The following LPP variants were observed in gnomAD, a reference collection of about 807,000 sequenced individuals.
LPP encodes lipoma-preferred partner.
In LPP, 38 loss-of-function variants were observed where a neutral mutation model predicts 60.4. The ratio of observed to expected loss-of-function variants is 0.63; its 90% CI spans 0.49 to 0.83. The LOEUF (loss-of-function observed/expected upper bound fraction) is 0.83, where lower values mean the gene tolerates loss of function less well. Among genes scored for constraint, LPP ranks in the 40% least tolerant of loss-of-function variants. The pLI is 0.00. For synonymous variants in LPP, 328 were observed against 290.8 expected (o/e 1.13, Z -1.30); for missense variants, 902 against 783.6 (o/e 1.15, Z -1.80).
intron 8 of LPP, chr3:188,709,580 C>T (rs1177663432): frequency 6.6e-6 from 1 of 152,190 alleles, no homozygotes; most frequent in Non-Finnish European, 1.5e-5. Context: ...TGGTCTTGAA[C>T]TCCTGACCTC....
chr3:188,422,453 A>G (rs1484922344), intron 4 of LPP, among the ~76,000 whole-genome samples: 1 of 152,154 alleles, frequency 6.6e-6, no homozygotes, highest in African/African-American at 2.4e-5. Context: ...ACCCAAAGAC[A>G]CAGCTTTTTC....
intron 1 of LPP, among the ~76,000 whole-genome samples, chr3:188,190,450 T>A (rs1310447868): frequency 1.3e-5 from 2 of 151,620 alleles, no homozygotes; most frequent in African/African-American, 4.9e-5. Flanking sequence ...GGAGAAGGAG[T>A]CAATGTGGGG....
At chr3:188,798,577 C>T (rs1333268349) in intron 9 of LPP, among the ~76,000 whole-genome samples, 1 of 152,220 alleles carries the variant, frequency 6.6e-6, no homozygotes, top group East Asian at 1.9e-4. Flanking sequence ...CCTGGTGGCT[C>T]TGCCCTGGAC....
At chr3:188,371,641 A>ATTTTTTTTTT (rs1158606459) in intron 3 of LPP, among the ~76,000 whole-genome samples, 2 of 32,166 alleles carry the variant, frequency 6.2e-5, no homozygotes, top group African/African-American at 1.2e-4. Context: ...ATATATATAT[A>ATTTTTTTTTT]TTTTTTTTTT....
At chr3:188,285,563 A>G (rs1223803653) in intron 2 of LPP, among the ~76,000 whole-genome samples, 2 of 152,068 alleles carry the variant, frequency 1.3e-5, no homozygotes, top group African/African-American at 4.8e-5. Context: ...CATGCCAGCT[A>G]ATTAGAAAAG....
chr3:188,500,465 A>G (rs955288069), intron 5 of LPP, among the ~76,000 whole-genome samples: 3 of 152,122 alleles, frequency 2.0e-5, no homozygotes, highest in African/African-American at 7.2e-5. Context: ...GTAATATGCT[A>G]TTAAATTTGA....
chr3:188,484,057 T>C (rs1391250686), intron 4 of LPP, among the ~76,000 whole-genome samples: 3 of 152,188 alleles, frequency 2.0e-5, no homozygotes, highest in African/African-American at 7.2e-5. Context: ...GCTCTGAACT[T>C]TCTGATCGCC....
intron 9 of LPP, among the ~76,000 whole-genome samples, chr3:188,799,569 T>C (rs1746387193): frequency 6.6e-6 from 1 of 152,234 alleles, no homozygotes; most frequent in East Asian, 1.9e-4. Flanking sequence ...CTTTTTTTAT[T>C]GTTAAACTCC....
chr3:188,381,205 G>T (rs2148545295), intron 3 of LPP, among the ~76,000 whole-genome samples: 1 of 152,144 alleles, frequency 6.6e-6, no homozygotes, highest in South Asian at 2.1e-4. Flanking sequence ...ACCAAAGTCA[G>T]ATTATGAGGC....
intron 2 of LPP, among the ~76,000 whole-genome samples, chr3:188,276,472 A>G (rs1268949545): frequency 6.6e-6 from 1 of 151,924 alleles, no homozygotes; most frequent in African/African-American, 2.4e-5. Flanking sequence ...TGATGCTTGG[A>G]TATTTGTTTA....
At chr3:188,688,779 A>G (rs1169789315) in intron 7 of LPP, 7 of 524,916 alleles carry the variant, frequency 1.3e-5, no homozygotes, top group South Asian at 8.6e-5. Flanking sequence ...AAAATTTAAA[A>G]TGGTCCTTGC....
intron 6 of LPP, among the ~76,000 whole-genome samples, chr3:188,558,640 A>G (rs1830014163): frequency 6.6e-6 from 1 of 152,148 alleles, no homozygotes; most frequent in African/African-American, 2.4e-5. Flanking sequence ...AAATGAAAAC[A>G]AATGGGTAAA....
chr3:188,617,159 T>A (rs1437246862), intron 7 of LPP, among the ~76,000 whole-genome samples: 1 of 152,168 alleles, frequency 6.6e-6, no homozygotes, highest in Non-Finnish European at 1.5e-5. Context: ...ATAAGAACCT[T>A]TCCTCTCCAC....
chr3:188,674,011 A>G (rs900936709), intron 7 of LPP, among the ~76,000 whole-genome samples: 1 of 151,634 alleles, frequency 6.6e-6, no homozygotes, highest in Non-Finnish European at 1.5e-5. Flanking sequence ...AGAACATTCC[A>G]AACCCATTAT....
intron 2 of LPP, among the ~76,000 whole-genome samples, chr3:188,234,251 G>A (rs1320304015): frequency 3.3e-5 from 5 of 152,164 alleles, no homozygotes; most frequent in African/African-American, 1.2e-4. Context: ...GCTCCTAATA[G>A]TGAGACCCGG....
intron 6 of LPP, among the ~76,000 whole-genome samples, chr3:188,571,571 C>T (rs1237444087): frequency 6.6e-6 from 1 of 152,148 alleles, no homozygotes; most frequent in East Asian, 1.9e-4. Context: ...TGTTTGAGCA[C>T]TTCCCTTAGA....
intron 3 of LPP, among the ~76,000 whole-genome samples, chr3:188,370,257 A>C (rs1772614248): frequency 6.6e-6 from 1 of 152,078 alleles, no homozygotes. Context: ...GCCCACATTT[A>C]ACTGAGTACA....
intron 3 of LPP, among the ~76,000 whole-genome samples, chr3:188,377,347 C>G (rs1367115565): frequency 6.6e-6 from 1 of 152,216 alleles, no homozygotes; most frequent in Non-Finnish European, 1.5e-5. Context: ...GTACACCAAT[C>G]AGACGTAGAT....
At chr3:188,520,665 C>G (rs867728392) in intron 5 of LPP, among the ~76,000 whole-genome samples, 1 of 152,138 alleles carries the variant, frequency 6.6e-6, no homozygotes, top group Non-Finnish European at 1.5e-5. Flanking sequence ...GGCCAACATG[C>G]GAGCTTTTCT....
Sources: allele counts gnomAD v4.1 joint callset (sites outside exome capture counted in the v4.1 genomes callset), GRCh38; gene constraint gnomAD v4.1.1; transcripts MANE v1.5; gene names NCBI Gene and HGNC (gene_info 2026-07-23, HGNC 2026-07-21).